GRK3: variants seen among roughly 807,000 people sequenced by gnomAD.
GRK3 encodes G protein-coupled receptor kinase 3, also known as adrenergic, beta, receptor kinase 2.
GRK3 carries 54 observed loss-of-function variants against 95.7 expected under a neutral mutation model. The ratio of observed to expected loss-of-function variants is 0.56; its 90% confidence interval spans 0.45 to 0.71. The LOEUF is 0.71. Ranked by LOEUF, GRK3 falls within the 30% of genes least tolerant of loss-of-function variation. GRK3 has a pLI of 0.00. For missense variants in GRK3, 649 were observed against 851.2 expected (o/e 0.76, Z 2.96); for synonymous variants, 281 against 290.8 (o/e 0.97, Z 0.34).
At chr22:25,670,024 C>T (rs1394558128) in intron 6 of GRK3, among the ~76,000 whole-genome samples, 1 of 152,188 alleles carries the variant, frequency 6.6e-6, no homozygotes, top group Non-Finnish European at 1.5e-5. Context: ...AGTCTCAAAA[C>T]ATAATTTTAA....
chr22:25,566,974 T>G (rs535554697), intron 1 of GRK3, among the ~76,000 whole-genome samples: 19 of 152,226 alleles, frequency 1.2e-4, no homozygotes, highest in African/African-American at 4.3e-4. Context: ...TTCTTGGTGT[T>G]TGGAACTTAA....
chr22:25,641,227 G>A (rs1211905145), intron 2 of GRK3, among the ~76,000 whole-genome samples: 4 of 152,190 alleles, frequency 2.6e-5, no homozygotes, highest in African/African-American at 9.7e-5. Context: ...GACCGACAAT[G>A]GAGATTTCCT....
At chr22:25,660,646 G>A (rs760468377) in intron 3 of GRK3, among the ~76,000 whole-genome samples, 11 of 152,208 alleles carry the variant, frequency 7.2e-5, no homozygotes, top group South Asian at 2.1e-4. Context: ...TGTGAAAGCC[G>A]TACTATAAGG....
intron 2 of GRK3, among the ~76,000 whole-genome samples, chr22:25,617,716 T>C (rs1423904483): frequency 6.6e-6 from 1 of 152,232 alleles, no homozygotes; most frequent in Non-Finnish European, 1.5e-5. Flanking sequence ...TTGTGTCTGA[T>C]TTATGTGGCT....
chr22:25,649,027 G>A, intron 3 of GRK3: 4 of 1,293,872 alleles, frequency 3.1e-6, no homozygotes, highest in Non-Finnish European at 4.5e-6. Context: ...CCATATCCAG[G>A]TATGGTGAAC....
chr22:25,601,956 A>G (rs765702583), intron 1 of GRK3, among the ~76,000 whole-genome samples: 11 of 152,338 alleles, frequency 7.2e-5, no homozygotes, highest in Non-Finnish European at 1.2e-4. Context: ...CAGACTGTCC[A>G]TCAAAGAAAT....
chr22:25,687,386 T>C (rs1405967499), intron 10 of GRK3, 151 bp from the exon 11 acceptor site: 1 of 706,854 alleles, frequency 1.4e-6, no homozygotes, highest in Non-Finnish European at 2.3e-6. Flanking sequence ...ATTTAAGCTG[T>C]TGCTAAACTA....
intron 7 of GRK3, among the ~76,000 whole-genome samples, chr22:25,674,036 G>A (rs755710611): frequency 1.3e-5 from 2 of 151,938 alleles, no homozygotes; most frequent in Admixed American, 6.6e-5. Context: ...GACAGTTCTC[G>A]GAAGCATTGG....
At chr22:25,703,371 TA>T (rs1388259531) in intron 13 of GRK3, 138 bp from the exon 14 acceptor site, 5 of 620,254 alleles carry the variant, frequency 8.1e-6, no homozygotes, top group Non-Finnish European at 1.1e-5. Context: ...ATGGAAATGA[TA>T]AATGTTTACG....
At chr22:25,656,876 G>A (rs1210740540) in intron 3 of GRK3, among the ~76,000 whole-genome samples, 1 of 152,194 alleles carries the variant, frequency 6.6e-6, no homozygotes, top group African/African-American at 2.4e-5. Flanking sequence ...CTGAGGAGAT[G>A]ACATCTAAAC....
At chr22:25,628,338 A>G (rs1172560889) in intron 2 of GRK3, among the ~76,000 whole-genome samples, 1 of 152,226 alleles carries the variant, frequency 6.6e-6, no homozygotes, top group East Asian at 1.9e-4. Flanking sequence ...TTAACTTACA[A>G]GTTTTTCTCT....
At chr22:25,690,316 T>C (rs1294503616) in intron 12 of GRK3, 33 bp downstream of exon 12, 1 of 1,498,478 alleles carries the variant, frequency 6.7e-7, no homozygotes, top group African/African-American at 1.4e-5. Context: ...TTCACCACCA[T>C]TTCTCTCCTG....
chr22:25,578,279 C>T (rs1425754468), intron 1 of GRK3, among the ~76,000 whole-genome samples: 1 of 152,034 alleles, frequency 6.6e-6, no homozygotes, highest in African/African-American at 2.4e-5. Flanking sequence ...CCCTCTGTTA[C>T]CTGTTGTATC....
At chr22:25,674,637 A>G in intron 8 of GRK3, 109 bp downstream of exon 8, 2 of 851,802 alleles carry the variant, frequency 2.3e-6, no homozygotes, top group South Asian at 3.4e-5. Context: ...TTTCTTTTGA[A>G]GTACTTTACC....
intron 2 of GRK3, among the ~76,000 whole-genome samples, chr22:25,636,176 C>G (rs962079212): frequency 5.3e-5 from 8 of 152,150 alleles, no homozygotes; most frequent in African/African-American, 1.9e-4. Flanking sequence ...ATCAATCAGC[C>G]TTTTCTCTAA....
chr22:25,590,109 A>G (rs1156867229), intron 1 of GRK3, among the ~76,000 whole-genome samples: 2 of 151,412 alleles, frequency 1.3e-5, no homozygotes, highest in African/African-American at 4.9e-5. Context: ...TGTTTTATCT[A>G]TACCTCCTAT....
chr22:25,718,484 T>C, intron 19 of GRK3, 103 bp downstream of exon 19: 1 of 1,295,866 alleles, frequency 7.7e-7, no homozygotes, highest in Non-Finnish European at 1.1e-6. Flanking sequence ...TCCGAAACTC[T>C]GTGATTCTAT....
At chr22:25,620,122 A>G (rs2084573040) in intron 2 of GRK3, among the ~76,000 whole-genome samples, 1 of 151,648 alleles carries the variant, frequency 6.6e-6, no homozygotes, top group African/African-American at 2.4e-5. Flanking sequence ...TCCCCTGTAC[A>G]GAGACAGAGG....
intron 8 of GRK3, among the ~76,000 whole-genome samples, chr22:25,676,690 CAAAAA>C (rs34695269): frequency 8.1e-6 from 1 of 123,228 alleles, no homozygotes; most frequent in African/African-American, 2.7e-5. Flanking sequence ...GACTCAGTCT[CAAAAA>C]AAAAAAAAGG....
Sources: allele counts gnomAD v4.1 joint callset (sites outside exome capture counted in the v4.1 genomes callset), GRCh38; gene constraint gnomAD v4.1.1; transcripts MANE v1.5; gene names NCBI Gene and HGNC (gene_info 2026-07-23, HGNC 2026-07-21).